Variants in ZNF214 observed in about 807,000 individuals in gnomAD.
ZNF214 encodes zinc finger protein 214, also known as BWSCR2-associated zinc finger protein 1.
In ZNF214, 43 loss-of-function variants were observed where a neutral mutation model predicts 53.9. The observed-to-expected ratio is 0.80, with a 90% CI of 0.63 to 1.03. The LOEUF (loss-of-function observed/expected upper bound fraction) is 1.03, where lower values mean the gene tolerates loss of function less well. Among genes scored for constraint, ZNF214 ranks in the 50% least tolerant of loss-of-function variants. The pLI is 0.00. For synonymous variants in ZNF214, 217 were observed against 229.5 expected (o/e 0.95, Z 0.49); for missense variants, 724 against 719.1 (o/e 1.01, Z -0.08).
At chr11:7,007,653 T>G (rs1334427264) in intron 1 of ZNF214, among the ~76,000 whole-genome samples, 3 of 151,906 alleles carry the variant, frequency 2.0e-5, no homozygotes, top group Non-Finnish European at 2.9e-5. Context: ...AGGGGAAATA[T>G]ACATACCATT....
In ZNF214 at chr11:7,000,995, A is replaced by G. The variant is rs1439466249; in HGVS notation, c.688T>C (p.Trp230Arg). The G allele has an allele frequency of 6.8e-6, 11 of 1,613,136 alleles. No homozygotes were observed. The highest frequency in any genetic ancestry group is 5.3e-5 in the African/African-American group (4 of 74,994). Residue 230 changes from tryptophan to arginine, a missense_variant, in exon 3 of 3, where the codon TGG becomes CGG. By Grantham distance (101) the Trp-to-Arg change is moderately radical. Transcript: ENST00000278314. ...GCNKCKGIYY[W>R]NSRCVFHKRN... ...TTGTGGAAAACACACCGTGAGTTCCAATAATAAATTCCTTTACATTTATTA... is the reference window on the plus strand; with the variant it reads ...TTGTGGAAAACACACCGTGAGTTCCGATAATAAATTCCTTTACATTTATTA...
rs1323414462 is a variant in ZNF214 at position 6,998,310 on chromosome 11, A to C, written c.*1552T>G. On this transcript the variant is annotated 3_prime_UTR_variant, in exon 3 of 3. Transcript: ENST00000278314. ...GGTTGCTTTAATACTGGTTTTGCCTAAAACTTAGTGACCATATACTTTTAA... is the reference window on the plus strand; with the variant it reads ...GGTTGCTTTAATACTGGTTTTGCCTCAAACTTAGTGACCATATACTTTTAA... 6.6e-6 allele frequency among the ~76,000 whole-genome samples: 1 copy of C among 151,878 alleles called. No individual in the cohort carries two copies. Among genetic ancestry groups the C allele is most frequent in the African/African-American group, 2.4e-5 (1 of 41,404 alleles).
At chr11:7,018,152 A>G (rs1173198728) in intron 1 of ZNF214, among the ~76,000 whole-genome samples, 1 of 152,234 alleles carries the variant, frequency 6.6e-6, no homozygotes, top group Non-Finnish European at 1.5e-5. Context: ...AAAGACTACA[A>G]GTAAATACAC....
chr11:7,018,851 T>G (rs1194453696), intron 1 of ZNF214, among the ~76,000 whole-genome samples: 2 of 152,138 alleles, frequency 1.3e-5, no homozygotes, highest in African/African-American at 4.8e-5. Context: ...CAGCATGAAT[T>G]ATACACTAGA....
In ZNF214 at chr11:6,998,036, A is replaced by G. The variant is rs10839677; in HGVS notation, c.*1826T>C. Among the ~76,000 whole-genome samples the G allele has an allele frequency of 0.095, 14,366 of 151,980 alleles. 749 individuals carry two copies. Among genetic ancestry groups the G allele is most frequent in the Admixed American group, 0.16 (2,444 of 15,236 alleles). ...TTTCCACATTCACAAACTCTCTTTA[A>G]GGCACATATACGCTACACTGTTTTC... is the stretch of plus-strand genomic sequence containing the variant. On this transcript the variant is annotated 3_prime_UTR_variant, in exon 3 of 3. Coordinates refer to ENST00000278314, the MANE Select transcript of ZNF214 (RefSeq NM_013249.4).
In ZNF214 at chr11:7,001,338, C is replaced by A. The variant is rs1399305636; in HGVS notation, c.345G>T (p.Gly115=). ...CAAAAGTCAGTTCATAGTTCCCATA[C>A]CCTGGTACTTGTGTGGAGAGTATTA... The part of the protein sequence containing the change: ...EWLILSTQVP[G]YGNYELTFES... Residue 115 remains glycine (G), a synonymous_variant, in exon 3 of 3, where the codon GGG becomes GGT. Coordinates refer to ENST00000278314, the MANE Select transcript of ZNF214 (RefSeq NM_013249.4). 6.2e-7 allele frequency: 1 copy of A among 1,613,136 alleles called. No individual in the cohort carries two copies. Among genetic ancestry groups the A allele is most frequent in the Non-Finnish European group, 8.5e-7 (1 of 1,179,404 alleles).
In ZNF214 at chr11:6,997,451, T is replaced by G. The variant is rs913217279; in HGVS notation, c.*2411A>C. Reference sequence around the variant, plus strand: ...TCATCTTGATCCGTTTATTTTAATATTTTAGGCCAACTTCTTGGGGATTTT... The same window carrying G: ...TCATCTTGATCCGTTTATTTTAATAGTTTAGGCCAACTTCTTGGGGATTTT... On this transcript the variant is annotated 3_prime_UTR_variant, in exon 3 of 3. Coordinates refer to ENST00000278314, the MANE Select transcript of ZNF214 (RefSeq NM_013249.4). Among the ~76,000 whole-genome samples, 3 of 151,832 alleles carry G rather than the reference T, an allele frequency of 2.0e-5. No homozygotes were observed. The East Asian group carries it at 5.8e-4, about 29-fold the overall frequency.
rs144021457 is a variant in ZNF214, at chr11:7,000,604, C to T, written c.1079G>A (p.Cys360Tyr). The T allele has an allele frequency of 5.0e-6, 8 of 1,608,910 alleles. No homozygotes were observed. The African/African-American group carries it at 8.0e-5, about 16-fold the overall frequency. The stretch of plus-strand genomic sequence containing the variant: ...ATTAAAACTCTTACCACACTGATTA[C>T]ATTTAAAAGGCTTCTCTCCTATGTG... ...RLHIGEKPFKCNQCGKSFNRS... is the reference protein window; with the variant it reads ...RLHIGEKPFKYNQCGKSFNRS... Residue 360 changes from cysteine to tyrosine, a missense_variant, in exon 3 of 3, where the codon TGT becomes TAT. Cys to Tyr is a radical substitution (Grantham distance 194). Transcript: ENST00000278314.
chr11:7,018,495 CTTTTTTTTTTTT>C (rs55641448), intron 1 of ZNF214, among the ~76,000 whole-genome samples: 3 of 61,876 alleles, frequency 4.8e-5, no homozygotes, highest in Non-Finnish European at 8.8e-5. Flanking sequence ...AATGTTAAGA[CTTTTTTTTTTTT>C]TTTTTTTTTT....
rs55641448 is a variant in ZNF214, at chr11:7,018,495, C to CTTTTTTTTTTTT, written c.-21+1566_-21+1577dup. On this transcript the variant is annotated intron_variant, in intron 1 of 2. Transcript: ENST00000278314. ...TAGTTTATTACCCCCAATGTTAAGA[C>CTTTTTTTTTTTT]TTTTTTTTTTTTTTTTTTTTTTTTG... Among the ~76,000 whole-genome samples the CTTTTTTTTTTTT allele has an allele frequency of 5.0e-4, 31 of 61,900 alleles. 4 individuals carry two copies. The highest frequency in any genetic ancestry group is 7.3e-4 in the Non-Finnish European group (25 of 34,200). The allele number at this position is 61,900 out of a possible 152,430, so 40.6% of individuals were successfully genotyped here.
chr11:7,016,415 A>G (rs1047446619), intron 1 of ZNF214, among the ~76,000 whole-genome samples: 3 of 152,220 alleles, frequency 2.0e-5, no homozygotes, highest in Admixed American at 2.0e-4. Flanking sequence ...CTTATTATAT[A>G]TATGTTCCTT....
At chr11:7,016,962 C>A (rs1376132801) in intron 1 of ZNF214, among the ~76,000 whole-genome samples, 1 of 151,988 alleles carries the variant, frequency 6.6e-6, no homozygotes, top group Non-Finnish European at 1.5e-5. Flanking sequence ...CTTATATAAA[C>A]AAGTCCTTAA....
At position 6,998,275 on chromosome 11, in the gene ZNF214, C is replaced by T. The variant is rs1462700882; in HGVS notation, c.*1587G>A. 4.6e-5 allele frequency among the ~76,000 whole-genome samples: 7 copies of T among 151,902 alleles called. No individual in the cohort carries two copies. The highest frequency in any genetic ancestry group is 1.7e-4 in the African/African-American group (7 of 41,406). ...ATGCTTTTAATTGCTTCTTTCTAAC[C>T]TGTTTCTAAGGTTGCTTTAATACTG... is the stretch of plus-strand genomic sequence containing the variant. On this transcript the variant is annotated 3_prime_UTR_variant, in exon 3 of 3. Coordinates refer to ENST00000278314, the MANE Select transcript of ZNF214 (RefSeq NM_013249.4).
chr11:7,002,547 G>T (rs1431918777), intron 2 of ZNF214, among the ~76,000 whole-genome samples, 162 bp downstream of exon 2: 1 of 151,884 alleles, frequency 6.6e-6, no homozygotes, highest in Non-Finnish European at 1.5e-5. Flanking sequence ...AGGTGTCCTG[G>T]AATCTGTCTT....
In ZNF214 at chr11:6,999,687, G is replaced by T. The variant is rs1468650574; in HGVS notation, c.*175C>A. On this transcript the variant is annotated 3_prime_UTR_variant, in exon 3 of 3. Transcript: ENST00000278314. ...ATACACTATAATTTTAAATATATAG[G>T]GTTTTTTCTAAAGATCTCCTTTTGA... The T allele has an allele frequency of 1.0e-5, 6 of 591,280 alleles. No individual in the cohort carries two copies. The highest frequency in any genetic ancestry group is 1.6e-5 in the Non-Finnish European group (6 of 367,792). The allele number at this position is 591,280 out of a possible 1,614,324, so 36.6% of individuals were successfully genotyped here.
chr11:7,012,439 T>C (rs1163841168), intron 1 of ZNF214, among the ~76,000 whole-genome samples: 1 of 151,678 alleles, frequency 6.6e-6, no homozygotes, highest in Non-Finnish European at 1.5e-5. Flanking sequence ...TGAAAAAAGA[T>C]GGAATTAATG....
Position 6,999,820 on chromosome 11 carries a change from T to C in ZNF214, c.*42A>G. 6.5e-7 allele frequency: 1 copy of C among 1,544,190 alleles called. No individual in the cohort carries two copies. Among genetic ancestry groups the C allele is most frequent in the Non-Finnish European group, 8.7e-7 (1 of 1,147,228 alleles). On this transcript the variant is annotated 3_prime_UTR_variant, in exon 3 of 3. Coordinates refer to ENST00000278314, the MANE Select transcript of ZNF214 (RefSeq NM_013249.4). Reference sequence around the variant, plus strand: ...AGCAGGATTTATAGGGTTTAAAGGTTAGGTAAACTTTGATTAAAGCTGTTA... The same window carrying C: ...AGCAGGATTTATAGGGTTTAAAGGTCAGGTAAACTTTGATTAAAGCTGTTA...
chr11:7,007,102 C>T (rs972861062), intron 1 of ZNF214, among the ~76,000 whole-genome samples: 2 of 151,820 alleles, frequency 1.3e-5, no homozygotes, highest in African/African-American at 4.8e-5. Context: ...GAGAAAGAGA[C>T]AGATATAAGA....
Position 7,000,818 on chromosome 11 carries a change from C to T in ZNF214, c.865G>A (p.Gly289Arg), listed in dbSNP as rs369883165. The T allele has an allele frequency of 3.5e-5, 57 of 1,611,280 alleles. No homozygotes were observed. Among genetic ancestry groups the T allele is most frequent in the Non-Finnish European group, 4.4e-5 (52 of 1,179,142 alleles). The change falls in exon 3 of 3, where the codon GGA becomes AGA. Residue 289 changes from glycine to arginine, a missense_variant. By Grantham distance (125) the Gly-to-Arg change is moderately radical (BLOSUM62 -2). Transcript: ENST00000278314. ...TGAACTCTCTGATGAAAGTGAACTCCGGAGCTCTGATGAAAGTTACCGTCA... is the reference window on the plus strand; with the variant it reads ...TGAACTCTCTGATGAAAGTGAACTCTGGAGCTCTGATGAAAGTTACCGTCA... The part of the protein sequence containing the change: ...EVDGNFHQSS[G>R]VHFHQRVHIG...
Sources: allele counts gnomAD v4.1 joint callset (sites outside exome capture counted in the v4.1 genomes callset), GRCh38; gene constraint gnomAD v4.1.1; transcripts MANE v1.5; gene names NCBI Gene and HGNC (gene_info 2026-07-23, HGNC 2026-07-21).